Variants in ADAMTSL1 observed in about 807,000 individuals in gnomAD.
ADAMTSL1 encodes the protein ADAMTS-like protein 1.
Under a neutral mutation model 201.8 loss-of-function variants are expected in ADAMTSL1, and 126 were observed. That is an observed-to-expected ratio of 0.62 (90% CI 0.54 to 0.72). ADAMTSL1 has a LOEUF of 0.72. Ranked by LOEUF, ADAMTSL1 falls within the 30% of genes least tolerant of loss-of-function variation. The pLI is 0.00. For missense variants in ADAMTSL1, 2,679 were observed against 2,277.8 expected, an observed-to-expected ratio of 1.18 and a Z score of -3.59; for synonymous variants, 1,121 against 903.4, an observed-to-expected ratio of 1.24 and a Z score of -4.32.
chr9:18,556,540 C>G (rs1299817083), intron 3 of ADAMTSL1, among the ~76,000 whole-genome samples: 1 of 151,928 alleles, frequency 6.6e-6, no homozygotes, highest in African/African-American at 2.4e-5. Context: ...GAGCCTAATA[C>G]TATTCAGGAT....
At chr9:18,755,104 A>T (rs1341371516) in intron 16 of ADAMTSL1, among the ~76,000 whole-genome samples, 3 of 152,212 alleles carry the variant, frequency 2.0e-5, no homozygotes, top group African/African-American at 7.2e-5. Flanking sequence ...CCTTTCAGGG[A>T]TTAAACATGA....
chr9:18,274,245 A>G (rs112095574), intron 2 of ADAMTSL1, among the ~76,000 whole-genome samples: 1 of 152,362 alleles, frequency 6.6e-6, no homozygotes, highest in African/African-American at 2.4e-5. Context: ...ATGCATTCGT[A>G]AAAATGTAGG....
intron 1 of ADAMTSL1, among the ~76,000 whole-genome samples, chr9:18,155,989 T>C (rs1587178615): frequency 6.6e-6 from 1 of 152,112 alleles, no homozygotes; most frequent in East Asian, 1.9e-4. Context: ...TGCCTATCTT[T>C]TGTGGAGAGA....
intron 1 of ADAMTSL1, among the ~76,000 whole-genome samples, chr9:18,017,450 G>A (rs1186280188): frequency 6.6e-6 from 1 of 151,872 alleles, no homozygotes; most frequent in Non-Finnish European, 1.5e-5. Flanking sequence ...AGCCTGTTGG[G>A]AAAAATTATG....
chr9:18,094,344 C>T (rs1441687889), intron 1 of ADAMTSL1, among the ~76,000 whole-genome samples: 1 of 152,224 alleles, frequency 6.6e-6, no homozygotes, highest in Non-Finnish European at 1.5e-5. Context: ...TCCCTGATTA[C>T]TCACCATATA....
intron 3 of ADAMTSL1, among the ~76,000 whole-genome samples, chr9:18,539,721 G>A (rs916871250): frequency 6.6e-6 from 1 of 152,190 alleles, no homozygotes; most frequent in African/African-American, 2.4e-5. Flanking sequence ...GCTTTGGGAT[G>A]TAGTACAGGC....
At chr9:18,017,956 G>C (rs1230863413) in intron 1 of ADAMTSL1, among the ~76,000 whole-genome samples, 1 of 151,974 alleles carries the variant, frequency 6.6e-6, no homozygotes, top group Non-Finnish European at 1.5e-5. Context: ...TATCTTTGTT[G>C]TTCTAAAACT....
chr9:18,085,037 C>T (rs1019096848), intron 1 of ADAMTSL1, among the ~76,000 whole-genome samples: 9 of 152,168 alleles, frequency 5.9e-5, no homozygotes, highest in South Asian at 2.1e-4. Flanking sequence ...TTGAAGCTGA[C>T]GGAACAGCAA....
chr9:18,069,549 T>C (rs144283356), intron 1 of ADAMTSL1, among the ~76,000 whole-genome samples: 2 of 152,348 alleles, frequency 1.3e-5, no homozygotes, highest in African/African-American at 2.4e-5. Flanking sequence ...TTACAACCCA[T>C]TAACTTGATT....
In ADAMTSL1 at chr9:18,681,881, A is replaced by G; in HGVS notation, c.1411A>G (p.Thr471Ala). The part of the protein sequence containing the change: ...VLCIDHRGMH[T>A]GGCSPKTKPH... The stretch of plus-strand genomic sequence containing the variant: ...CTGCATCGACCATCGAGGAATGCAC[A>G]CAGGAGGCTGTAGCCCAAAAACAAA... The change falls in exon 12 of 29, where the codon ACA becomes GCA. Residue 471 changes from threonine (T) to alanine (A), a missense_variant. By Grantham distance (58) the Thr-to-Ala change is moderately conservative (BLOSUM62 0). Coordinates refer to ENST00000380548, the MANE Select transcript of ADAMTSL1 (RefSeq NM_001040272.6). The G allele has an allele frequency of 6.2e-7, 1 of 1,614,142 alleles. No individual in the cohort carries two copies. The highest frequency in any genetic ancestry group is 8.5e-7 in the Non-Finnish European group (1 of 1,179,986).
chr9:18,703,382 C>T (rs535326997), intron 13 of ADAMTSL1, among the ~76,000 whole-genome samples: 5 of 152,156 alleles, frequency 3.3e-5, no homozygotes, highest in Admixed American at 2.6e-4. Flanking sequence ...TTCATTTGTC[C>T]ATTTGCACTA....
rs578002501 is a variant in ADAMTSL1 at position 18,150,298 on chromosome 9, G to A, written c.88-13564G>A. On this transcript the variant is annotated intron_variant, in intron 1 of 29. Transcript: ENST00000680146. Reference sequence around the variant, plus strand: ...GGGAATACCAAACTATGGGGAAGACGGAAGACAGTCTGAAGGGTATGGTGT... The same window carrying A: ...GGGAATACCAAACTATGGGGAAGACAGAAGACAGTCTGAAGGGTATGGTGT... Among the ~76,000 whole-genome samples, 20 of 152,118 alleles carry A rather than the reference G, an allele frequency of 1.3e-4. No individual in the cohort carries two copies. In the South Asian group the frequency reaches 2.9e-3, roughly 22 times the overall value.
intron 1 of ADAMTSL1, among the ~76,000 whole-genome samples, chr9:17,996,377 G>A (rs1453238794): frequency 6.6e-6 from 1 of 152,028 alleles, no homozygotes; most frequent in South Asian, 2.1e-4. Flanking sequence ...TTTGGGGATA[G>A]CAGAGACCTT....
At chr9:18,779,324 G>C (rs1185204533) in intron 19 of ADAMTSL1, among the ~76,000 whole-genome samples, 1 of 152,156 alleles carries the variant, frequency 6.6e-6, no homozygotes, top group Non-Finnish European at 1.5e-5. Flanking sequence ...CAATAATACT[G>C]CCTCTCAGCC....
chr9:18,425,349 G>A (rs1448674649), intron 2 of ADAMTSL1, among the ~76,000 whole-genome samples: 2 of 152,158 alleles, frequency 1.3e-5, no homozygotes, highest in African/African-American at 4.8e-5. Flanking sequence ...ATGCACACGT[G>A]CAATCTTACC....
intron 1 of ADAMTSL1, among the ~76,000 whole-genome samples, chr9:18,493,975 C>T (rs1362286136): frequency 6.6e-6 from 1 of 152,192 alleles, no homozygotes; most frequent in Non-Finnish European, 1.5e-5. Context: ...CAGTCCACTT[C>T]TGGGGATAGA....
intron 1 of ADAMTSL1, among the ~76,000 whole-genome samples, chr9:18,016,669 T>A (rs1820273071): frequency 6.6e-6 from 1 of 152,036 alleles, no homozygotes; most frequent in Non-Finnish European, 1.5e-5. Flanking sequence ...CTCAGTTACA[T>A]TTTTAGACTG....
intron 2 of ADAMTSL1, among the ~76,000 whole-genome samples, chr9:18,336,972 T>C (rs1292693870): frequency 6.6e-6 from 1 of 152,288 alleles, no homozygotes; most frequent in East Asian, 1.9e-4. Context: ...GTCTTTTGAA[T>C]TAATGCAGTG....
At chr9:18,013,501 A>G (rs1820137067) in intron 1 of ADAMTSL1, among the ~76,000 whole-genome samples, 1 of 152,046 alleles carries the variant, frequency 6.6e-6, no homozygotes, top group African/African-American at 2.4e-5. Flanking sequence ...TTTTAAGTGA[A>G]GGAGTTTTCT....
Sources: allele counts gnomAD v4.1 joint callset (sites outside exome capture counted in the v4.1 genomes callset), GRCh38; gene constraint gnomAD v4.1.1; transcripts MANE v1.5; gene names NCBI Gene and HGNC (gene_info 2026-07-23, HGNC 2026-07-21).